Variants in TEX14 observed in about 807,000 individuals in gnomAD.
TEX14 encodes testis expressed 14, intercellular bridge forming factor.
In TEX14, 168 loss-of-function variants were observed where a neutral mutation model predicts 178.6. That is an observed-to-expected ratio of 0.94 (90% CI 0.83 to 1.07). The LOEUF (loss-of-function observed/expected upper bound fraction) is 1.07. Among genes scored for constraint, TEX14 ranks in the 50% least tolerant of loss-of-function variants. The probability of loss-of-function intolerance (pLI) is 0.00; values close to 1 mark genes in which losing one functional copy is unlikely to be tolerated. For synonymous variants in TEX14, 626 were observed against 634.1 expected, an observed-to-expected ratio of 0.99 and a Z score of 0.19; for missense variants, 1,730 against 1,753.6, an observed-to-expected ratio of 0.99 and a Z score of 0.24.
At chr17:58,672,655 G>A in intron 1 of TEX14, among the ~76,000 whole-genome samples, 1 of 152,062 alleles carries the variant, frequency 6.6e-6, no homozygotes, top group Admixed American at 6.6e-5. Flanking sequence ...ATGTTGGCCA[G>A]GCTGGCCTCG....
intron 1 of TEX14, among the ~76,000 whole-genome samples, chr17:58,665,685 A>C (rs912774307): frequency 1.3e-5 from 2 of 152,114 alleles, no homozygotes; most frequent in African/African-American, 4.8e-5. Flanking sequence ...GTACAGCTTT[A>C]AACAGTAAGC....
intron 10 of TEX14, among the ~76,000 whole-genome samples, chr17:58,606,210 G>A (rs1160904771): frequency 6.6e-6 from 1 of 152,092 alleles, no homozygotes; most frequent in Non-Finnish European, 1.5e-5. Flanking sequence ...GAGTCCTCAG[G>A]GTAAACTCAG....
chr17:58,657,538 A>G (rs1202975352), intron 1 of TEX14, among the ~76,000 whole-genome samples: 1 of 110,516 alleles, frequency 9.0e-6, no homozygotes, highest in East Asian at 2.5e-4. Context: ...TTTTTGAGAC[A>G]GAGTCTTGCT....
intron 1 of TEX14, among the ~76,000 whole-genome samples, chr17:58,678,730 G>A (rs1023066044): frequency 2.6e-5 from 4 of 151,596 alleles, no homozygotes; most frequent in African/African-American, 7.3e-5. Context: ...TGTAAATGAC[G>A]AGTTAATGGG....
rs1742304768 is a variant in TEX14, at chr17:58,666,643, C to CACA, written c.-1-14644_-1-14642dup. 3 of 152,144 alleles carry CACA rather than the reference C, an allele frequency of 2.0e-5. No individual in the cohort carries two copies. The South Asian group carries it at 6.2e-4, about 32-fold the overall frequency. The allele number at this position is 152,144 out of a possible 1,614,324, so 9.4% of individuals were successfully genotyped here. A position where few individuals can be genotyped will look rare whatever the true frequency, so the allele number is the denominator to read the frequency against. ...AGCACAAAGTGCAACGAATAAGCCA[C>CACA]ACACAGGGAAAAACCACCTCCATAA... On this transcript the variant is annotated intron_variant, in intron 1 of 31. Transcript: ENST00000349033.
At chr17:58,620,499 ATT>A (rs201218045) in intron 5 of TEX14, among the ~76,000 whole-genome samples, 2 of 143,972 alleles carry the variant, frequency 1.4e-5, no homozygotes, top group South Asian at 4.4e-4. Context: ...CTCGGCTAAT[ATT>A]TTTTTTTTTT....
At chr17:58,571,803 G>C in intron 24 of TEX14, 118 bp downstream of exon 24, 1 of 861,756 alleles carries the variant, frequency 1.2e-6, no homozygotes, top group Non-Finnish European at 1.8e-6. Flanking sequence ...GGCAAGCCAG[G>C]AGAGGACCCA....
intron 1 of TEX14, among the ~76,000 whole-genome samples, chr17:58,654,597 C>T (rs1400663945): frequency 6.6e-6 from 1 of 150,646 alleles, no homozygotes; most frequent in Non-Finnish European, 1.5e-5. Context: ...ATCTCCACCT[C>T]CTGGGTTCAA....
chr17:58,607,164 T>A (rs1277779246), intron 10 of TEX14, among the ~76,000 whole-genome samples: 1 of 152,112 alleles, frequency 6.6e-6, no homozygotes, highest in African/African-American at 2.4e-5. Flanking sequence ...AAATGTGGGA[T>A]TGAAGGCTAC....
At chr17:58,631,638 A>G (rs1317120044) in intron 2 of TEX14, 1 of 150,640 alleles carries the variant, frequency 6.6e-6, no homozygotes. Context: ...AAAAAAACCC[A>G]GAACTACTCA....
rs532520738 is a variant in TEX14 at position 58,683,375 on chromosome 17, C to G, written c.-2+8564G>C. On this transcript the variant is annotated intron_variant, in intron 1 of 31. Transcript: ENST00000349033. Reference sequence around the variant, plus strand: ...GTGACAAAGCAAGACTCCATCCCCCCCCCCAAAAAAAAAAGGAAATATATG... The same window carrying G: ...GTGACAAAGCAAGACTCCATCCCCCGCCCCAAAAAAAAAAGGAAATATATG... Among the ~76,000 whole-genome samples the G allele has an allele frequency of 3.8e-4, 56 of 148,576 alleles. No homozygotes were observed. The South Asian group carries it at 6.6e-3, about 18-fold the overall frequency.
intron 15 of TEX14, among the ~76,000 whole-genome samples, chr17:58,592,957 T>C (rs1489305171): frequency 6.6e-6 from 1 of 152,178 alleles, no homozygotes; most frequent in Non-Finnish European, 1.5e-5. Flanking sequence ...AATACATATA[T>C]ACCTATGTGT....
At chr17:58,613,281 A>T in intron 9 of TEX14, 140 bp downstream of exon 9, 1 of 1,006,138 alleles carries the variant, frequency 9.9e-7, no homozygotes, top group Non-Finnish European at 1.5e-6. Context: ...AGCATGTTAT[A>T]CAGCCCCTAT....
At chr17:58,637,037 G>C (rs1163460386) in intron 2 of TEX14, among the ~76,000 whole-genome samples, 4 of 152,070 alleles carry the variant, frequency 2.6e-5, no homozygotes, top group Non-Finnish European at 5.9e-5. Context: ...GACCAGTCTG[G>C]CGAACACGGT....
At chr17:58,641,240 G>A (rs181245179) in intron 2 of TEX14, among the ~76,000 whole-genome samples, 17 of 151,910 alleles carry the variant, frequency 1.1e-4, no homozygotes, top group Admixed American at 1.3e-4. Flanking sequence ...GAGAAACCCC[G>A]TCTCTACTAA....
intron 2 of TEX14, among the ~76,000 whole-genome samples, chr17:58,634,561 A>G (rs1360653727): frequency 1.3e-5 from 2 of 152,174 alleles, no homozygotes; most frequent in African/African-American, 4.8e-5. Flanking sequence ...TCTCTCCTAC[A>G]CTAGAAGGTA....
intron 19 of TEX14, among the ~76,000 whole-genome samples, chr17:58,581,343 A>G (rs1441263197): frequency 6.6e-6 from 1 of 152,100 alleles, no homozygotes; most frequent in Non-Finnish European, 1.5e-5. Flanking sequence ...TTTTGAAAAA[A>G]AAGTACAAAG....
intron 29 of TEX14, 67 bp from the exon 30 acceptor site, chr17:58,559,629 A>C: frequency 1.3e-6 from 1 of 741,196 alleles, no homozygotes; most frequent in Admixed American, 2.2e-5. Context: ...GACTGTACTC[A>C]AAACAAAAAA....
rs2045373134 is a variant in TEX14 at position 58,599,403 on chromosome 17, C to T, written c.1942G>A (p.Ala648Thr). The T allele has an allele frequency of 1.2e-6, 2 of 1,614,186 alleles. No homozygotes were observed. The highest frequency in any genetic ancestry group is 1.7e-6 in the Non-Finnish European group (2 of 1,180,048). ...TCATCTACCTGGTTAGGTCCGTCTG[C>T]CTCCAAAGATGAAGCAGCTCCTGGA... ...EPPGAASSLE[A>T]DGPNQVDELK... is the part of the protein sequence containing the mutation. Residue 648 changes from alanine (A) to threonine (T), a missense_variant, in exon 14 of 32, where the codon GCA (alanine) becomes ACA (threonine). This residue lies in a region of TEX14 where 941 missense variants were observed against 1,072.4 expected (regional missense o/e 0.88). Transcript: ENST00000349033.
Sources: allele counts gnomAD v4.1 joint callset (sites outside exome capture counted in the v4.1 genomes callset), GRCh38; gene constraint gnomAD v4.1.1; regional missense constraint gnomAD v4.1.1; transcripts MANE v1.5; gene names NCBI Gene and HGNC (gene_info 2026-07-23, HGNC 2026-07-21).